KCNK2: variants seen among roughly 807,000 people sequenced by gnomAD.
KCNK2 encodes the protein potassium two pore domain channel subfamily K member 2.
KCNK2 carries 21 observed loss-of-function variants against 40.5 expected under a neutral mutation model. The ratio of observed to expected loss-of-function variants is 0.52; its 90% CI spans 0.37 to 0.75. The LOEUF (loss-of-function observed/expected upper bound fraction) is 0.75. Ranked by LOEUF, KCNK2 falls within the 30% of genes least tolerant of loss-of-function variation. The pLI, the probability that KCNK2 is intolerant of heterozygous loss-of-function variation, is 0.00. For missense variants in KCNK2, 399 were observed against 531.6 expected, an observed-to-expected ratio of 0.75 and a Z score of 2.45; for synonymous variants, 191 against 202.2, an observed-to-expected ratio of 0.94 and a Z score of 0.47.
intron 6 of KCNK2, among the ~76,000 whole-genome samples, chr1:215,200,242 A>T (rs11120518): frequency 0.012 from 1,898 of 152,198 alleles, 45 homozygotes; most frequent in African/African-American, 0.043. Flanking sequence ...TTTCACCCCA[A>T]TTTTGTGAAG....
chr1:215,062,122 G>A (rs1658381617), intron 1 of KCNK2, among the ~76,000 whole-genome samples: 1 of 152,028 alleles, frequency 6.6e-6, no homozygotes, highest in Non-Finnish European at 1.5e-5. Context: ...CCAATACATG[G>A]CTTTCATTAA....
chr1:215,087,256 C>T (rs1041459301), intron 2 of KCNK2, among the ~76,000 whole-genome samples: 2 of 152,192 alleles, frequency 1.3e-5, no homozygotes, highest in African/African-American at 2.4e-5. Context: ...TTGATGACTA[C>T]CTTTTTAAAG....
chr1:215,130,402 A>G (rs985080855), intron 3 of KCNK2, among the ~76,000 whole-genome samples: 1 of 152,186 alleles, frequency 6.6e-6, no homozygotes, highest in African/African-American at 2.4e-5. Context: ...CCTTTATGAT[A>G]GACAGCATTA....
intron 1 of KCNK2, among the ~76,000 whole-genome samples, chr1:215,032,266 C>G (rs770343932): frequency 6.6e-6 from 1 of 151,608 alleles, no homozygotes; most frequent in African/African-American, 2.4e-5. Flanking sequence ...TAAAATTAGG[C>G]GGGTATGGTG....
chr1:215,024,583 C>T (rs1656929776), intron 1 of KCNK2, among the ~76,000 whole-genome samples: 1 of 151,970 alleles, frequency 6.6e-6, no homozygotes, highest in Non-Finnish European at 1.5e-5. Flanking sequence ...TGTAATTGTT[C>T]TGACATCTCA....
rs902723623 is a variant in KCNK2 at position 215,083,003 on chromosome 1, T to TGGCGGCGGCGGCGGC, written c.-368_-354dup. 6.6e-6 allele frequency: 1 copy of TGGCGGCGGCGGCGGC among 152,392 alleles called. No homozygotes were observed. The highest frequency in any genetic ancestry group is 1.4e-5 in the Non-Finnish European group (1 of 71,578). 9.4% of individuals were successfully genotyped at this position (152,392 alleles called of 1,614,324 possible). ...AGCGAGCAGCCCGGGGCTGAGCGCG[T>TGGCGGCGGCGGCGGC]GGCGGCGGCGGCGGCGGCGGCGGCG... On this transcript the variant is annotated 5_prime_UTR_variant, in exon 1 of 7. Transcript: ENST00000444842.
intron 5 of KCNK2, among the ~76,000 whole-genome samples, chr1:215,175,864 T>C (rs1344682745): frequency 6.6e-6 from 1 of 152,178 alleles, no homozygotes; most frequent in African/African-American, 2.4e-5. Context: ...TATTCCGTGG[T>C]GTGTATATAC....
chr1:215,210,034 A>C (rs1440500209), intron 6 of KCNK2, among the ~76,000 whole-genome samples: 6 of 42,024 alleles, frequency 1.4e-4, no homozygotes, highest in African/African-American at 5.7e-4. Context: ...TATTATATAT[A>C]ATATATATAA....
intron 1 of KCNK2, among the ~76,000 whole-genome samples, chr1:215,063,848 A>C (rs1486178794): frequency 6.6e-6 from 1 of 152,228 alleles, no homozygotes; most frequent in African/African-American, 2.4e-5. Flanking sequence ...ATGGAGAAAG[A>C]AAGCAAAGAA....
At chr1:215,211,421 T>C (rs1468161831) in intron 6 of KCNK2, among the ~76,000 whole-genome samples, 1 of 152,150 alleles carries the variant, frequency 6.6e-6, no homozygotes, top group East Asian at 1.9e-4. Context: ...TTGGCCATTC[T>C]ATTTAAGATT....
chr1:215,104,093 T>G (rs1422997119), intron 2 of KCNK2, among the ~76,000 whole-genome samples: 1 of 152,080 alleles, frequency 6.6e-6, no homozygotes, highest in Non-Finnish European at 1.5e-5. Context: ...AGCAAAGTTG[T>G]ATCAAAATAT....
intron 1 of KCNK2, among the ~76,000 whole-genome samples, chr1:215,007,619 A>G (rs1463439942): frequency 6.6e-6 from 1 of 152,044 alleles, no homozygotes; most frequent in East Asian, 1.9e-4. Flanking sequence ...TGCTAAACTG[A>G]ACACATGTCC....
intron 1 of KCNK2, among the ~76,000 whole-genome samples, chr1:215,039,636 T>G (rs1463662986): frequency 1.3e-5 from 2 of 152,118 alleles, no homozygotes; most frequent in East Asian, 3.9e-4. Context: ...AGAATACCAT[T>G]AACATTATCC....
intron 1 of KCNK2, among the ~76,000 whole-genome samples, chr1:215,034,435 A>C (rs548929230): frequency 1.3e-5 from 2 of 151,864 alleles, no homozygotes; most frequent in Non-Finnish European, 2.9e-5. Flanking sequence ...CTCTTGGTTC[A>C]ATAGTAAGAA....
intron 5 of KCNK2, among the ~76,000 whole-genome samples, chr1:215,176,136 T>C (rs934712991): frequency 3.9e-5 from 6 of 152,118 alleles, no homozygotes; most frequent in Non-Finnish European, 8.8e-5. Flanking sequence ...TTCTCTTTTC[T>C]CCAGAGCCTT....
In KCNK2 at chr1:215,131,494, AT is replaced by A. The variant is rs1474104090; in HGVS notation, c.475+6746del. 4.1e-5 allele frequency among the ~76,000 whole-genome samples: 6 copies of A among 147,440 alleles called. No homozygotes were observed. In the Admixed American group the frequency reaches 4.1e-4, roughly 10 times the overall value. ...ATATTGATATTAATGTATGCAAATT[AT>A]TAATATATAAAATTATATTAATTAT... is the stretch of plus-strand genomic sequence containing the variant. On this transcript the variant is annotated intron_variant, in intron 3 of 6. Coordinates refer to ENST00000444842, the MANE Select transcript of KCNK2 (RefSeq NM_001017425.3).
chr1:215,043,960 A>C (rs1044755690), intron 1 of KCNK2, among the ~76,000 whole-genome samples: 5 of 152,182 alleles, frequency 3.3e-5, no homozygotes, highest in African/African-American at 1.2e-4. Context: ...AGATGAGAGA[A>C]AAGATAGATG....
At chr1:215,022,129 A>ATCTATCTATCTATCT (rs5780811) in intron 1 of KCNK2, among the ~76,000 whole-genome samples, 14,696 of 122,924 alleles carry the variant, frequency 0.12, 800 homozygotes, top group Non-Finnish European at 0.13. Flanking sequence ...CTATCTATCT[A>ATCTATCTATCTATCT]ATCATCTATC....
intron 1 of KCNK2, among the ~76,000 whole-genome samples, chr1:215,040,515 A>G (rs992231208): frequency 1.3e-5 from 2 of 152,172 alleles, no homozygotes; most frequent in African/African-American, 4.8e-5. Flanking sequence ...TCAGAGCCTC[A>G]ATTTACATAA....
Sources: allele counts gnomAD v4.1 joint callset (sites outside exome capture counted in the v4.1 genomes callset), GRCh38; gene constraint gnomAD v4.1.1; transcripts MANE v1.5; gene names NCBI Gene and HGNC (gene_info 2026-07-23, HGNC 2026-07-21).